The following STK33 variants were observed in gnomAD, a reference collection of about 807,000 sequenced individuals.
The protein encoded by STK33 is serine/threonine-protein kinase 33.
In STK33, 52 loss-of-function variants were observed where a neutral mutation model predicts 58.0. The ratio of observed to expected loss-of-function variants is 0.90; its 90% CI spans 0.72 to 1.13. The LOEUF is 1.13. Among genes scored for constraint, STK33 ranks in the 50% most tolerant of loss-of-function variants. The pLI is 0.00. For synonymous variants in STK33, 215 were observed against 200.1 expected, an observed-to-expected ratio of 1.07 and a Z score of -0.63; for missense variants, 630 against 604.2, an observed-to-expected ratio of 1.04 and a Z score of -0.45.
At chr11:8,431,524 A>G (rs776349989) in intron 14 of STK33, among the ~76,000 whole-genome samples, 1 of 152,216 alleles carries the variant, frequency 6.6e-6, no homozygotes, top group Non-Finnish European at 1.5e-5. Flanking sequence ...GTGACTATAA[A>G]GCAAAGTACA....
At chr11:8,465,374 C>T (rs1266783720) in intron 6 of STK33, 1 of 151,200 alleles carries the variant, frequency 6.6e-6, no homozygotes, top group Non-Finnish European at 1.5e-5. Flanking sequence ...AATTTCAACA[C>T]AGATCAGCAC....
chr11:8,402,987 C>T (rs1938392678), intron 15 of STK33, among the ~76,000 whole-genome samples: 1 of 152,104 alleles, frequency 6.6e-6, no homozygotes, highest in South Asian at 2.1e-4. Context: ...AATGAAATTG[C>T]CAAGGCTATA....
At position 8,536,863 on chromosome 11, in the gene STK33, CCTTGAG is replaced by C. The variant is rs531416459; in HGVS notation, c.-465-56255_-465-56250del. Among the ~76,000 whole-genome samples, 260 of 144,060 alleles carry C rather than the reference CCTTGAG, an allele frequency of 1.8e-3. 1 individual carries two copies. The highest frequency in any genetic ancestry group is 6.6e-3 in the African/African-American group (254 of 38,450). The allele number at this position is 144,060 out of a possible 152,430, so 94.5% of individuals were successfully genotyped here. ...GCATGATGATCATAGCTCACTGCAA[CCTTGAG>C]CTCCTGGGCTCAAGCAATCCTCCTG... On this transcript the variant is annotated intron_variant, in intron 1 of 15. Coordinates refer to ENST00000687296, the MANE Select transcript of STK33 (RefSeq NM_001352389.2).
chr11:8,420,035 T>C (rs1941688500), intron 14 of STK33, among the ~76,000 whole-genome samples: 1 of 152,144 alleles, frequency 6.6e-6, no homozygotes, highest in Non-Finnish European at 1.5e-5. Flanking sequence ...GTTGAACTCC[T>C]AGATTCAAGT....
At chr11:8,396,912 G>C (rs967591512) in intron 15 of STK33, among the ~76,000 whole-genome samples, 9 of 152,214 alleles carry the variant, frequency 5.9e-5, no homozygotes, top group African/African-American at 2.2e-4. Context: ...ACGAGGCTGG[G>C]AGAGGGGCGC....
At chr11:8,444,317 T>C (rs1329228509) in intron 11 of STK33, among the ~76,000 whole-genome samples, 1 of 152,194 alleles carries the variant, frequency 6.6e-6, no homozygotes, top group Non-Finnish European at 1.5e-5. Context: ...AACTATTGTC[T>C]TCTAAACACT....
chr11:8,576,878 A>G (rs1455919853), intron 1 of STK33, among the ~76,000 whole-genome samples: 3 of 152,202 alleles, frequency 2.0e-5, no homozygotes, highest in Non-Finnish European at 4.4e-5. Flanking sequence ...TCATCAATTC[A>G]CAAAAGACTA....
chr11:8,365,291 C>T, the STK33 span, among the ~76,000 whole-genome samples: 1 of 152,132 alleles, frequency 6.6e-6, no homozygotes, highest in African/African-American at 2.4e-5. Context: ...AGAGCAAATT[C>T]CTCCACTCTC....
Position 8,392,685 on chromosome 11 carries a change from G to A in STK33, c.1370C>T (p.Pro457Leu), listed in dbSNP as rs1473869055. The change falls in exon 16 of 16, where the codon CCT (proline) becomes CTT (leucine). Residue 457 changes from proline (P) to leucine (L), a missense_variant. Coordinates refer to ENST00000687296, the MANE Select transcript of STK33 (RefSeq NM_001352389.2). ...KQSTAYEKQF[P>L]ATSKDNFDMC... is the part of the protein sequence containing the mutation. ...ATCAAAGTTGTCCTTACTGGTTGCA[G>A]GAAATTGCTTTTCATAAGCAGTAGA... 5 of 1,614,178 alleles carry A rather than the reference G, an allele frequency of 3.1e-6. No homozygotes were observed. Among genetic ancestry groups the A allele is most frequent in the Admixed American group, 1.7e-5 (1 of 60,024 alleles).
chr11:8,393,840 T>C (rs557041945), intron 15 of STK33, among the ~76,000 whole-genome samples: 10 of 152,196 alleles, frequency 6.6e-5, no homozygotes, highest in African/African-American at 1.4e-4. Context: ...TCCATGACTT[T>C]CCAGGGCTGC....
intron 15 of STK33, among the ~76,000 whole-genome samples, chr11:8,400,338 C>T (rs1258712791): frequency 6.6e-6 from 1 of 152,174 alleles, no homozygotes; most frequent in Non-Finnish European, 1.5e-5. Flanking sequence ...TAAACGTAAT[C>T]CAGCATATAA....
At position 8,393,784 on chromosome 11, in the gene STK33, C is replaced by T. The variant is rs143898127; in HGVS notation, c.1345-1074G>A. Among the ~76,000 whole-genome samples, 411 of 152,266 alleles carry T rather than the reference C, an allele frequency of 2.7e-3. 1 individual carries two copies. Among genetic ancestry groups the T allele is most frequent in the African/African-American group, 9.5e-3 (395 of 41,548 alleles). Reference sequence around the variant, plus strand: ...TCAGGTTCTTGTGATGTAATGACCACGTTTAATATTCAGTAGTAGCACTTA... The same window carrying T: ...TCAGGTTCTTGTGATGTAATGACCATGTTTAATATTCAGTAGTAGCACTTA... On this transcript the variant is annotated intron_variant, in intron 15 of 15. Coordinates refer to ENST00000687296, the MANE Select transcript of STK33 (RefSeq NM_001352389.2).
the STK33 span, among the ~76,000 whole-genome samples, chr11:8,383,860 A>C: frequency 6.6e-6 from 1 of 152,112 alleles, no homozygotes; most frequent in Admixed American, 6.5e-5. Context: ...CCTGTCAGGC[A>C]CCCAGAAGCC....
At chr11:8,428,500 T>C (rs181077353) in intron 14 of STK33, among the ~76,000 whole-genome samples, 1 of 152,328 alleles carries the variant, frequency 6.6e-6, no homozygotes, top group African/African-American at 2.4e-5. Flanking sequence ...CTAAAGTTAC[T>C]TTAGGTTTAA....
chr11:8,576,584 A>AT (rs1565403518), intron 1 of STK33, among the ~76,000 whole-genome samples: 1 of 152,228 alleles, frequency 6.6e-6, no homozygotes, highest in Non-Finnish European at 1.5e-5. Flanking sequence ...ATACTGAATA[A>AT]TAATAGCTAA....
chr11:8,590,579 C>A (rs1239021309), intron 1 of STK33, among the ~76,000 whole-genome samples: 1 of 152,106 alleles, frequency 6.6e-6, no homozygotes, highest in East Asian at 1.9e-4. Context: ...GTAGAAAGGA[C>A]ATTCTAATTA....
At chr11:8,377,203 A>C in the STK33 span, among the ~76,000 whole-genome samples, 4 of 152,262 alleles carry the variant, frequency 2.6e-5, no homozygotes, top group East Asian at 7.7e-4. Context: ...TGACCAGTAG[A>C]TACCCCTATA....
At chr11:8,531,379 AATT>A (rs1312031637) in intron 1 of STK33, among the ~76,000 whole-genome samples, 1 of 152,190 alleles carries the variant, frequency 6.6e-6, no homozygotes, top group Non-Finnish European at 1.5e-5. Context: ...GGTTTAAAAC[AATT>A]ATTTTATTAT....
At chr11:8,436,768 G>A (rs764323118) in intron 12 of STK33, among the ~76,000 whole-genome samples, 11 of 152,140 alleles carry the variant, frequency 7.2e-5, no homozygotes, top group Non-Finnish European at 1.3e-4. Flanking sequence ...TGCAATCTCG[G>A]CTCACTGCAA....
Sources: gnomAD v4.1 joint callset for allele counts (sites outside exome capture counted in the v4.1 genomes callset) on GRCh38, gnomAD v4.1.1 for gene constraint, MANE v1.5 for transcripts, NCBI Gene and HGNC (gene_info 2026-07-23, HGNC 2026-07-21) for gene names.